The following RAB6A variants were observed in gnomAD, a reference collection of about 807,000 sequenced individuals.
The protein encoded by RAB6A is RAB6A, member RAS oncogene family.
Under a neutral mutation model 32.3 loss-of-function variants are expected in RAB6A, and 8 were observed. That is an observed-to-expected ratio of 0.25 (90% confidence interval 0.15 to 0.45). The LOEUF (loss-of-function observed/expected upper bound fraction) is 0.45, where lower values mean the gene tolerates loss of function less well. Ranked by LOEUF, RAB6A falls within the 20% of genes least tolerant of loss-of-function variation. The pLI is 1.00. For missense variants in RAB6A, 104 were observed against 249.4 expected (o/e 0.42, Z 3.93); for synonymous variants, 73 against 82.1 (o/e 0.89, Z 0.60).
chr11:73,700,835 T>G (rs553389102), intron 6 of RAB6A, among the ~76,000 whole-genome samples: 1 of 152,184 alleles, frequency 6.6e-6, no homozygotes, highest in Admixed American at 6.6e-5. Context: ...AGCAGGACTT[T>G]AGGGTCAAGT....
intron 6 of RAB6A, among the ~76,000 whole-genome samples, chr11:73,697,216 T>C (rs1044990602): frequency 1.3e-5 from 2 of 152,188 alleles, no homozygotes; most frequent in African/African-American, 4.8e-5. Flanking sequence ...AGTTCTTTGC[T>C]CAAATATCAC....
intron 5 of RAB6A, among the ~76,000 whole-genome samples, chr11:73,711,779 C>G (rs1243835683): frequency 6.6e-6 from 1 of 152,152 alleles, no homozygotes; most frequent in East Asian, 1.9e-4. Flanking sequence ...TATAGCCTTG[C>G]TATCAGAAGA....
At chr11:73,756,778 G>C (rs1298130013) in intron 1 of RAB6A, among the ~76,000 whole-genome samples, 5 of 152,092 alleles carry the variant, frequency 3.3e-5, no homozygotes, top group Admixed American at 2.6e-4. Flanking sequence ...CTGGGTTGCA[G>C]TTTTCCTGCC....
intron 6 of RAB6A, among the ~76,000 whole-genome samples, chr11:73,685,147 C>G (rs1945422709): frequency 6.6e-6 from 1 of 152,214 alleles, no homozygotes; most frequent in Non-Finnish European, 1.5e-5. Flanking sequence ...AGTGACAGAT[C>G]ATGTAATCTT....
intron 3 of RAB6A, among the ~76,000 whole-genome samples, chr11:73,719,741 G>C (rs1259957744): frequency 6.6e-6 from 1 of 150,428 alleles, no homozygotes; most frequent in Admixed American, 6.6e-5. Flanking sequence ...TCAGCCTCCC[G>C]AGTAGCTGGG....
At chr11:73,710,544 C>T (rs930742447) in intron 5 of RAB6A, among the ~76,000 whole-genome samples, 3 of 151,862 alleles carry the variant, frequency 2.0e-5, no homozygotes, top group African/African-American at 7.2e-5. Context: ...CAAGACCAGC[C>T]TGGCCAACAT....
At chr11:73,679,889 G>A (rs1028905566) in intron 6 of RAB6A, among the ~76,000 whole-genome samples, 169 bp from the exon 7 acceptor site, 1 of 151,942 alleles carries the variant, frequency 6.6e-6, no homozygotes, top group African/African-American at 2.4e-5. Flanking sequence ...GAGGTCAGGA[G>A]TTTGAGACCA....
intron 1 of RAB6A, among the ~76,000 whole-genome samples, chr11:73,731,723 TATATATATACAC>T (rs1305518010): frequency 0.1 from 1,004 of 10,024 alleles, 54 homozygotes; most frequent in African/African-American, 0.2. Context: ...TATATATATA[TATATATATACAC>T]ACACACACAC....
intron 1 of RAB6A, among the ~76,000 whole-genome samples, chr11:73,755,485 G>A (rs1678110452): frequency 6.6e-6 from 1 of 152,020 alleles, no homozygotes; most frequent in Admixed American, 6.6e-5. Flanking sequence ...TAGAAACGGG[G>A]TTTCGCCATG....
chr11:73,718,510 A>AT lies in RAB6A; in HGVS notation c.289+102dup, dbSNP rs1387198457. 7.1e-6 allele frequency: 7 copies of AT among 985,370 alleles called. No individual in the cohort carries two copies. In the African/African-American group the frequency reaches 9.8e-5, roughly 14 times the overall value. 61.0% of individuals were successfully genotyped at this position (985,370 alleles called of 1,614,324 possible). On this transcript the variant is annotated intron_variant, in intron 4 of 7. Transcript: ENST00000336083. ...TATGTAATTTACTATGATAAAACTT[A>AT]TTTTTACATGCCAGTAAGGAAAACA... is the stretch of plus-strand genomic sequence containing the variant.
At chr11:73,734,436 G>A (rs534458873) in intron 1 of RAB6A, among the ~76,000 whole-genome samples, 20 of 151,992 alleles carry the variant, frequency 1.3e-4, no homozygotes, top group African/African-American at 4.6e-4. Context: ...AGTTTATCCA[G>A]TTTAATAGTG....
Position 73,677,692 on chromosome 11 carries a change from T to C in RAB6A, c.*206A>G. On this transcript the variant is annotated 3_prime_UTR_variant, in exon 8 of 8. Coordinates refer to ENST00000336083, the MANE Select transcript of RAB6A (RefSeq NM_198896.2). The stretch of plus-strand genomic sequence containing the variant: ...AATATGCTGAAATATTTTGGCTTTT[T>C]GTAAAATATAAATAATGAAGACACT... The C allele has an allele frequency of 7.4e-7, 1 of 1,359,580 alleles. No individual in the cohort carries two copies. The highest frequency in any genetic ancestry group is 9.9e-7 in the Non-Finnish European group (1 of 1,013,264). The allele number at this position is 1,359,580 out of a possible 1,614,324, so 84.2% of individuals were successfully genotyped here. A position where few individuals can be genotyped will look rare whatever the true frequency, so the allele number is the denominator to read the frequency against.
chr11:73,720,128 G>T lies in RAB6A; in HGVS notation c.183+718C>A, dbSNP rs557492347. Among the ~76,000 whole-genome samples, 114 of 146,868 alleles carry T rather than the reference G, an allele frequency of 7.8e-4. 1 individual carries two copies. The highest frequency in any genetic ancestry group is 2.4e-3 in the Admixed American group (35 of 14,624). ...ATACAGATTTTACACTGTATTTAAA[G>T]AAAACATTCCAAAGGATGAAAGACA... On this transcript the variant is annotated intron_variant, in intron 3 of 7. Transcript: ENST00000336083.
chr11:73,741,510 C>T (rs1946495353), intron 1 of RAB6A, among the ~76,000 whole-genome samples: 1 of 151,848 alleles, frequency 6.6e-6, no homozygotes, highest in African/African-American at 2.4e-5. Flanking sequence ...GAAAACATGT[C>T]CACACAAAAA....
At chr11:73,691,497 T>C (rs1304594340) in intron 6 of RAB6A, among the ~76,000 whole-genome samples, 2 of 152,234 alleles carry the variant, frequency 1.3e-5, no homozygotes, top group East Asian at 3.9e-4. Context: ...AGTTATTTAC[T>C]GCACTGATTG....
chr11:73,693,556 CTTTTTT>C (rs891656563), intron 6 of RAB6A, among the ~76,000 whole-genome samples: 2 of 119,034 alleles, frequency 1.7e-5, no homozygotes, highest in African/African-American at 6.2e-5. Flanking sequence ...AAGACTCCAT[CTTTTTT>C]TTTTTTTTTT....
intron 6 of RAB6A, among the ~76,000 whole-genome samples, chr11:73,683,639 G>A (rs1044798527): frequency 1.3e-5 from 2 of 151,696 alleles, no homozygotes; most frequent in African/African-American, 2.4e-5. Flanking sequence ...CACAACCTCC[G>A]CCTCCTGGGT....
chr11:73,740,347 A>G (rs1337588886), intron 1 of RAB6A, among the ~76,000 whole-genome samples: 1 of 152,128 alleles, frequency 6.6e-6, no homozygotes, highest in Non-Finnish European at 1.5e-5. Flanking sequence ...ACAGTTGAGA[A>G]AAGTACCTAG....
At position 73,749,730 on chromosome 11, in the gene RAB6A, T is replaced by C. The variant is rs769513520; in HGVS notation, c.70+10836A>G. On this transcript the variant is annotated intron_variant, in intron 1 of 7. Coordinates refer to ENST00000336083, the MANE Select transcript of RAB6A (RefSeq NM_198896.2). Reference sequence around the variant, plus strand: ...CTTAAAAATTAGCCAGGTGTGGTGGTATGTGCCTATAGTCCTAGCTACTCG... The same window carrying C: ...CTTAAAAATTAGCCAGGTGTGGTGGCATGTGCCTATAGTCCTAGCTACTCG... Among the ~76,000 whole-genome samples the C allele has an allele frequency of 7.0e-4, 106 of 152,296 alleles. 1 individual carries two copies. Among genetic ancestry groups the C allele is most frequent in the Non-Finnish European group, 1.1e-3 (73 of 68,030 alleles).
Sources: gnomAD v4.1 joint callset for allele counts (sites outside exome capture counted in the v4.1 genomes callset) on GRCh38, gnomAD v4.1.1 for gene constraint, MANE v1.5 for transcripts, NCBI Gene and HGNC (gene_info 2026-07-23, HGNC 2026-07-21) for gene names.